The following MACF1 variants were observed in gnomAD, a reference collection of about 807,000 sequenced individuals.
MACF1 encodes microtubule actin crosslinking factor 1.
MACF1 carries 193 observed loss-of-function variants against 854.8 expected under a neutral mutation model. The ratio of observed to expected loss-of-function variants is 0.23; its 90% CI spans 0.20 to 0.25. The LOEUF is 0.25. Ranked by LOEUF, MACF1 falls within the 10% of genes least tolerant of loss-of-function variation. The probability of loss-of-function intolerance (pLI) is 1.00; values close to 1 mark genes in which losing one functional copy is unlikely to be tolerated. For missense variants in MACF1, 7,722 were observed against 8,929.1 expected (o/e 0.86, Z 5.45); for synonymous variants, 3,185 against 3,226.7 (o/e 0.99, Z 0.44).
intron 2 of MACF1, among the ~76,000 whole-genome samples, chr1:39,089,176 C>G (rs1326074195): frequency 6.6e-6 from 1 of 152,056 alleles, no homozygotes; most frequent in African/African-American, 2.4e-5. Flanking sequence ...GAGTTCAAGA[C>G]CAGCCTATGA....
At chr1:39,137,831 T>C (rs1257992440) in intron 2 of MACF1, among the ~76,000 whole-genome samples, 1 of 152,026 alleles carries the variant, frequency 6.6e-6, no homozygotes, top group Non-Finnish European at 1.5e-5. Context: ...CCCAGCACTT[T>C]GGGAAGCCGA....
At chr1:39,264,280 C>T (rs1645204387) in intron 6 of MACF1, among the ~76,000 whole-genome samples, 1 of 152,178 alleles carries the variant, frequency 6.6e-6, no homozygotes, top group African/African-American at 2.4e-5. Flanking sequence ...TACTTTCCTT[C>T]AGTTTGCCTA....
At chr1:39,381,636 G>A in intron 55 of MACF1, among the ~76,000 whole-genome samples, 1 of 152,152 alleles carries the variant, frequency 6.6e-6, no homozygotes, top group East Asian at 1.9e-4. Context: ...TTCAAGAACA[G>A]CCTGGGCAAC....
chr1:39,412,107 A>C lies in MACF1; in HGVS notation c.15817-10267A>C, dbSNP rs1232534203. ...CTGATCACAGGGTTTCTCATGAAGAAAAATTATCAGGCTTCATTGCTTCTG... is the reference window on the plus strand; with the variant it reads ...CTGATCACAGGGTTTCTCATGAAGACAAATTATCAGGCTTCATTGCTTCTG... On this transcript the variant is annotated intron_variant, in intron 58 of 100. Transcript: ENST00000564288. 1.9e-6 allele frequency: 3 copies of C among 1,614,018 alleles called. No homozygotes were observed. The Admixed American group carries it at 5.0e-5, about 27-fold the overall frequency.
chr1:39,310,972 A>G lies in MACF1; in HGVS notation c.3242A>G (p.Asp1081Gly), dbSNP rs904594536. The G allele has an allele frequency of 2.0e-5, 33 of 1,613,896 alleles. No homozygotes were observed. Among genetic ancestry groups the G allele is most frequent in the African/African-American group, 2.7e-5 (2 of 74,934 alleles). The change falls in exon 26 of 101, where the codon GAC becomes GGC. Residue 1081 changes from aspartate (D) to glycine (G), a missense_variant. Asp to Gly is a moderately conservative substitution (Grantham distance 94). Transcript: ENST00000564288. Reference protein sequence around the residue: ...SSRTDRDAWQDNALRIAEQEH... With the variant: ...SSRTDRDAWQGNALRIAEQEH... The stretch of plus-strand genomic sequence containing the variant: ...AGGACTGACAGAGATGCCTGGCAGG[A>G]CAATGCATTAAGGATTGCAGAGCAA...
At chr1:39,088,572 C>T (rs1352062655) in intron 2 of MACF1, among the ~76,000 whole-genome samples, 1 of 152,186 alleles carries the variant, frequency 6.6e-6, no homozygotes, top group African/African-American at 2.4e-5. Flanking sequence ...GAAAATTTGC[C>T]TCTTCCCCTC....
At chr1:39,352,167 G>C (rs1193792537) in intron 43 of MACF1, among the ~76,000 whole-genome samples, 55 of 152,134 alleles carry the variant, frequency 3.6e-4, no homozygotes, top group Non-Finnish European at 4.4e-5. Flanking sequence ...ATTACCTGAA[G>C]ATGAATTTTG....
intron 2 of MACF1, among the ~76,000 whole-genome samples, chr1:39,088,457 T>C (rs758079003): frequency 1.3e-5 from 2 of 152,228 alleles, no homozygotes; most frequent in Non-Finnish European, 2.9e-5. Context: ...CTTCTGTAGT[T>C]GACAATCTAA....
Position 39,333,794 on chromosome 1 carries a change from A to T in MACF1, c.7206A>T (p.Leu2402Phe). Residue 2402 changes from leucine to phenylalanine, a missense_variant, in exon 37 of 101, where the codon TTA becomes TTT. This residue lies in a region of MACF1 where 1,531 missense variants were observed against 1,601.6 expected (regional missense o/e 0.96). Transcript: ENST00000564288. ...LLDKETATRI[L>F]ERQVVTGGII... ...ACAAGGAAACAGCCACCAGAATTTT[A>T]GAGAGGCAGGTGGTGACTGGTGGAA... 6.2e-7 allele frequency: 1 copy of T among 1,614,214 alleles called. No homozygotes were observed. Among genetic ancestry groups the T allele is most frequent in the South Asian group, 1.1e-5 (1 of 91,084 alleles).
intron 2 of MACF1, 102 bp downstream of exon 2, chr1:39,231,345 C>CAA: frequency 3.7e-6 from 4 of 1,078,606 alleles, no homozygotes; most frequent in Non-Finnish European, 5.7e-6. Flanking sequence ...GCTGTGTGCT[C>CAA]AAGTCTATGA....
intron 2 of MACF1, among the ~76,000 whole-genome samples, chr1:39,143,349 G>T (rs2148187033): frequency 6.6e-6 from 1 of 152,262 alleles, no homozygotes; most frequent in African/African-American, 2.4e-5. Flanking sequence ...CTTTCTGGTG[G>T]CAATGTCTGG....
intron 70 of MACF1, among the ~76,000 whole-genome samples, chr1:39,437,303 T>TTTTTCTTTTTC (rs1156502313): frequency 2.0e-5 from 3 of 151,992 alleles, no homozygotes; most frequent in Non-Finnish European, 4.4e-5. Flanking sequence ...TGTTGTTGTT[T>TTTTTCTTTTTC]TTTTCTTTTT....
At position 39,484,708 on chromosome 1, in the gene MACF1, A is replaced by G; in HGVS notation, c.22389A>G (p.Thr7463=). The G allele has an allele frequency of 1.2e-6, 2 of 1,614,192 alleles. No individual in the cohort carries two copies. The highest frequency in any genetic ancestry group is 1.7e-6 in the Non-Finnish European group (2 of 1,180,030). ...GCAATAGTTCTTCCCCGGCCTCCAC[A>G]GGTGCCAAAACTAATCGGGCAGGTA... ...DTSNSSSPAS[T]GAKTNRADPK... is the part of the protein sequence containing the mutation. The change falls in exon 100 of 101, where the codon ACA becomes ACG. Residue 7463 remains threonine (T), a synonymous_variant. Transcript: ENST00000564288.
intron 2 of MACF1, among the ~76,000 whole-genome samples, chr1:39,180,970 A>C (rs1644097760): frequency 6.6e-6 from 1 of 152,296 alleles, no homozygotes; most frequent in East Asian, 1.9e-4. Flanking sequence ...ACAGTAGCCC[A>C]TCTCTGTTCA....
Position 39,441,048 on chromosome 1 carries a change from A to C in MACF1, c.18493A>C (p.Ile6165Leu). 1 of 1,614,204 alleles carries C rather than the reference A, an allele frequency of 6.2e-7. No homozygotes were observed. The highest frequency in any genetic ancestry group is 1.3e-5 in the African/African-American group (1 of 75,056). Residue 6165 changes from isoleucine to leucine, a missense_variant, in exon 73 of 101, where the codon ATT becomes CTT. By Grantham distance (5) the Ile-to-Leu change is conservative (BLOSUM62 2). This residue lies in a region of MACF1 where 2,807 missense variants were observed against 3,235.8 expected (regional missense o/e 0.87). Coordinates refer to ENST00000564288, the MANE Select transcript of MACF1 (RefSeq NM_001394062.1). Reference sequence around the variant, plus strand: ...TGGTCTGCATGAAGAGCTGGAGTTTATTCGGATCCTTGGAGCAGATTTGAT... The same window carrying C: ...TGGTCTGCATGAAGAGCTGGAGTTTCTTCGGATCCTTGGAGCAGATTTGAT... ...TDGLHEELEF[I>L]RILGADLIFA...
chr1:39,260,895 C>G (rs570281163), intron 6 of MACF1, among the ~76,000 whole-genome samples: 1 of 151,932 alleles, frequency 6.6e-6, no homozygotes, highest in Admixed American at 6.5e-5. Flanking sequence ...TACTCTTTTC[C>G]TACACACACA....
At chr1:39,259,747 C>T (rs948272192) in intron 6 of MACF1, among the ~76,000 whole-genome samples, 2 of 152,148 alleles carry the variant, frequency 1.3e-5, no homozygotes, top group Non-Finnish European at 2.9e-5. Flanking sequence ...TTCAGCCTTC[C>T]GAGTAACTGG....
chr1:39,361,076 T>G, intron 48 of MACF1, 75 bp downstream of exon 48: 1 of 1,245,068 alleles, frequency 8.0e-7, no homozygotes, highest in Non-Finnish European at 1.2e-6. Flanking sequence ...GTTGAAAAAG[T>G]AACAAGAGGG....
intron 2 of MACF1, among the ~76,000 whole-genome samples, chr1:39,132,058 A>G (rs1256083075): frequency 6.6e-6 from 1 of 152,224 alleles, no homozygotes; most frequent in Non-Finnish European, 1.5e-5. Flanking sequence ...TCTTTGTAGC[A>G]GAGACTAAAG....
Sources: gnomAD v4.1 joint callset for allele counts (sites outside exome capture counted in the v4.1 genomes callset) on GRCh38, gnomAD v4.1.1 for gene constraint, gnomAD v4.1.1 regional missense constraint, MANE v1.5 for transcripts, NCBI Gene and HGNC (gene_info 2026-07-23, HGNC 2026-07-21) for gene names.